The following LSMEM1 variants were observed in gnomAD, a reference collection of about 807,000 sequenced individuals.
The protein encoded by LSMEM1 is leucine-rich single-pass membrane protein 1.
In LSMEM1, 10 loss-of-function variants were observed where a neutral mutation model predicts 11.3. The ratio of observed to expected loss-of-function variants is 0.89; its 90% confidence interval spans 0.55 to 1.50. The LOEUF is 1.50. LSMEM1 is among the 40% of genes most tolerant of loss of function. The pLI, the probability that LSMEM1 is intolerant of heterozygous loss-of-function variation, is 0.00. For synonymous variants in LSMEM1, 65 were observed against 59.3 expected (o/e 1.10, Z -0.44); for missense variants, 151 against 152.9 (o/e 0.99, Z 0.06).
chr7:112,481,910 T>C (rs900544555), intron 1 of LSMEM1, among the ~76,000 whole-genome samples: 2 of 152,246 alleles, frequency 1.3e-5, no homozygotes, highest in African/African-American at 4.8e-5. Context: ...GTCAAGTTAG[T>C]GTGATGAAGA....
chr7:112,485,705 A>T (rs541947234), intron 2 of LSMEM1, among the ~76,000 whole-genome samples: 77 of 152,136 alleles, frequency 5.1e-4, no homozygotes, highest in African/African-American at 1.8e-3. Flanking sequence ...GTAGAAGTTT[A>T]GGTGTCAGCC....
At chr7:112,487,301 T>G (rs545614541) in intron 3 of LSMEM1, among the ~76,000 whole-genome samples, 1 of 152,342 alleles carries the variant, frequency 6.6e-6, no homozygotes, top group Non-Finnish European at 1.5e-5. Flanking sequence ...CTATAGCACT[T>G]TAGTTTCTCA....
chr7:112,484,372 A>G (rs2117363871), intron 1 of LSMEM1, among the ~76,000 whole-genome samples: 1 of 152,318 alleles, frequency 6.6e-6, no homozygotes, highest in Non-Finnish European at 1.5e-5. Context: ...GACTAGCTTA[A>G]TTTTGTCTAC....
chr7:112,481,909 G>A (rs1039019539), intron 1 of LSMEM1, among the ~76,000 whole-genome samples: 1 of 152,266 alleles, frequency 6.6e-6, no homozygotes, highest in African/African-American at 2.4e-5. Context: ...GGTCAAGTTA[G>A]TGTGATGAAG....
intron 2 of LSMEM1, among the ~76,000 whole-genome samples, chr7:112,485,773 A>G (rs1796117915): frequency 6.6e-6 from 1 of 151,980 alleles, no homozygotes; most frequent in Non-Finnish European, 1.5e-5. Context: ...CATAGGATGT[A>G]CTTATAAGGC....
intron 3 of LSMEM1, 21 bp from the exon 4 acceptor site, chr7:112,489,789 A>G (rs766895890): frequency 6.2e-7 from 1 of 1,605,734 alleles, no homozygotes; most frequent in South Asian, 1.1e-5. Flanking sequence ...AATGTAACAC[A>G]GTCTGTTTTC....
In LSMEM1 at chr7:112,487,056, G is replaced by T. The variant is rs1796146629; in HGVS notation, c.256+5G>T. 1 of 1,613,056 alleles carries T rather than the reference G, an allele frequency of 6.2e-7. No individual in the cohort carries two copies. Among genetic ancestry groups the T allele is most frequent in the Non-Finnish European group, 8.5e-7 (1 of 1,179,782 alleles). Reference sequence around the variant, plus strand: ...TTTTCGTGATATTTCTAATAGGTAAGTACCACCACAGGTTTCTTTTTTATT... The same window carrying T: ...TTTTCGTGATATTTCTAATAGGTAATTACCACCACAGGTTTCTTTTTTATT... On this transcript the variant is annotated splice_donor_5th_base_variant and intron_variant, in intron 3 of 3. Transcript: ENST00000312849.
chr7:112,483,502 A>G (rs1197671294), intron 1 of LSMEM1: 1 of 152,210 alleles, frequency 6.6e-6, no homozygotes, highest in East Asian at 1.9e-4. Context: ...AGGAGTTTTC[A>G]GTCTATCGGG....
intron 2 of LSMEM1, chr7:112,486,179 A>T (rs537773134): frequency 5.0e-6 from 1 of 199,640 alleles, no homozygotes; most frequent in South Asian, 8.1e-5. Flanking sequence ...GTTTCCAGGG[A>T]AATATCCCAG....
At chr7:112,487,234 A>G (rs1235628193) in intron 3 of LSMEM1, among the ~76,000 whole-genome samples, 183 bp downstream of exon 3, 1 of 152,144 alleles carries the variant, frequency 6.6e-6, no homozygotes, top group Non-Finnish European at 1.5e-5. Flanking sequence ...CTTGGCCACA[A>G]ACCCACTGCA....
intron 3 of LSMEM1, among the ~76,000 whole-genome samples, chr7:112,489,461 G>A (rs1796197183): frequency 6.6e-6 from 1 of 152,206 alleles, no homozygotes; most frequent in Non-Finnish European, 1.5e-5. Flanking sequence ...CTTTTTCTGA[G>A]AATGGGTCTC....
At chr7:112,480,969 G>A (rs1200831107), upstream of LSMEM1, 1 of 450,372 alleles carries the variant, frequency 2.2e-6, no homozygotes, top group African/African-American at 2.0e-5. Context: ...AGTTGCTTCA[G>A]CCAGATAAGG....
In LSMEM1 at chr7:112,484,930, G is replaced by A. The variant is rs765479355; in HGVS notation, c.114G>A (p.Ser38=). Residue 38 remains serine (S), a synonymous_variant, in exon 2 of 4, where the codon TCG becomes TCA. Coordinates refer to ENST00000312849, the MANE Select transcript of LSMEM1 (RefSeq NM_182597.3). ...LNKLNLCPAG[S]QHLFPLEDKI... ...AACTAAACCTCTGTCCAGCCGGATC[G>A]CAGCATCTGTTCCGTATGTGTGCTG... 1.2e-5 allele frequency: 19 copies of A among 1,612,074 alleles called. No homozygotes were observed. The African/African-American group carries it at 1.3e-4, about 11-fold the overall frequency.
In LSMEM1 at chr7:112,481,129, T is replaced by C. The variant is rs1796024478; in HGVS notation, c.-223T>C. ...TGAAAAAAGTCAGGATTTGGAATCT[T>C]ACACTGCTTGGCTAAATTGACACAA... is the stretch of plus-strand genomic sequence containing the variant. On this transcript the variant is annotated 5_prime_UTR_variant, in exon 1 of 4. Coordinates refer to ENST00000312849, the MANE Select transcript of LSMEM1 (RefSeq NM_182597.3). 3.1e-6 allele frequency: 1 copy of C among 318,222 alleles called. No homozygotes were observed. Among genetic ancestry groups the C allele is most frequent in the South Asian group, 2.6e-5 (1 of 38,616 alleles). 19.7% of individuals were successfully genotyped at this position (318,222 alleles called of 1,614,324 possible).
intron 3 of LSMEM1, among the ~76,000 whole-genome samples, chr7:112,488,700 G>A (rs780417438): frequency 6.6e-6 from 1 of 152,070 alleles, no homozygotes; most frequent in Non-Finnish European, 1.5e-5. Flanking sequence ...AGGTTCAAGC[G>A]ATTCTCCTGC....
chr7:112,480,883 G>A (rs1301231638), upstream of LSMEM1: 6 of 456,130 alleles, frequency 1.3e-5, no homozygotes, highest in Non-Finnish European at 2.6e-5. Context: ...CATAGTGGCA[G>A]CTTCCGCCTG....
At chr7:112,482,433 G>A (rs1329203553) in intron 1 of LSMEM1, among the ~76,000 whole-genome samples, 3 of 152,182 alleles carry the variant, frequency 2.0e-5, no homozygotes, top group Non-Finnish European at 4.4e-5. Flanking sequence ...TGAAGCAACA[G>A]CAGATACATT....
intron 1 of LSMEM1, among the ~76,000 whole-genome samples, chr7:112,484,026 G>A (rs1223903667): frequency 6.6e-6 from 1 of 152,200 alleles, no homozygotes; most frequent in Non-Finnish European, 1.5e-5. Context: ...AGTGTTGCTT[G>A]CAGTTGTGCT....
Position 112,489,890 on chromosome 7 carries a change from A to C in LSMEM1, c.337A>C (p.Asn113His). The change falls in exon 4 of 4, where the codon AAT becomes CAT. Residue 113 changes from asparagine (N) to histidine (H), a missense_variant. Transcript: ENST00000312849. ...AGACATAGATGATCTTAAGAGAATC[A>C]ATAACATGATCGTAAAGCGACTCAA... ...GKDIDDLKRI[N>H]NMIVKRLNQL... 2 of 1,614,214 alleles carry C rather than the reference A, an allele frequency of 1.2e-6. No individual in the cohort carries two copies. Among genetic ancestry groups the C allele is most frequent in the Non-Finnish European group, 1.7e-6 (2 of 1,180,024 alleles).
Sources: gnomAD v4.1 joint callset for allele counts (sites outside exome capture counted in the v4.1 genomes callset) on GRCh38, gnomAD v4.1.1 for gene constraint, MANE v1.5 for transcripts, NCBI Gene and HGNC (gene_info 2026-07-23, HGNC 2026-07-21) for gene names.